SEMA4D: variants seen among roughly 807,000 people sequenced by gnomAD.
The protein encoded by SEMA4D is semaphorin 4D, also known as semaphorin-4D.
In SEMA4D, 22 loss-of-function variants were observed where a neutral mutation model predicts 74.8. The observed-to-expected ratio is 0.29, with a 90% CI of 0.21 to 0.42. The LOEUF (loss-of-function observed/expected upper bound fraction) is 0.42. Among genes scored for constraint, SEMA4D ranks in the 10% least tolerant of loss-of-function variants. The pLI is 1.00. For missense variants in SEMA4D, 937 were observed against 1,118.4 expected (o/e 0.84, Z 2.31); for synonymous variants, 445 against 463.7 (o/e 0.96, Z 0.52).
rs778039454 is a variant in SEMA4D, at chr9:89,363,466, C to T, written c.2154G>A (p.Glu718=). ...TCCAGCTCTGCATCATCCGGTCGTG[C>T]TCCCCAGCCACAGCCCTCCAGGCAG... Residue 718 remains glutamate (E), a synonymous_variant, in exon 18 of 19, where the codon GAG becomes GAA. Transcript: ENST00000339861. 8.1e-6 allele frequency: 13 copies of T among 1,614,028 alleles called. 1 individual carries two copies. In the South Asian group the frequency reaches 1.4e-4, roughly 18 times the overall value.
downstream of SEMA4D, among the ~76,000 whole-genome samples, chr9:89,375,662 A>G (rs773516505): frequency 9.2e-5 from 14 of 152,124 alleles, no homozygotes; most frequent in Non-Finnish European, 2.1e-4. Flanking sequence ...TTCTTTCTGT[A>G]TCTACTGATC....
rs1158168446 is a variant in SEMA4D at position 89,488,352 on chromosome 9, C to CTTTTTTTTTT, written c.-310+9557_-310+9566dup. 2.4e-3 allele frequency among the ~76,000 whole-genome samples: 151 copies of CTTTTTTTTTT among 62,618 alleles called. 29 individuals are homozygous for CTTTTTTTTTT. Among genetic ancestry groups the CTTTTTTTTTT allele is most frequent in the Admixed American group, 3.8e-3 (15 of 3,940 alleles). 41.1% of individuals were successfully genotyped at this position (62,618 alleles called of 152,430 possible). A position where few individuals can be genotyped will look rare whatever the true frequency, so the allele number is the denominator to read the frequency against. Reference sequence around the variant, plus strand: ...AATTAACTCGAAATGGATCACAGATCTTTTTTTTTTTTTTTTTTTTTTTTT... The same window carrying CTTTTTTTTTT: ...AATTAACTCGAAATGGATCACAGATCTTTTTTTTTTTTTTTTTTTTTTTTTTTTTTTTTTT... On this transcript the variant is annotated intron_variant, in intron 1 of 15. Coordinates refer to ENST00000422704, the MANE Select transcript of SEMA4D (RefSeq NM_001371194.2).
chr9:89,391,372 G>A lies in SEMA4D; in HGVS notation c.666C>T (p.Asp222=). 1 of 1,614,274 alleles carries A rather than the reference G, an allele frequency of 6.2e-7. No homozygotes were observed. The highest frequency in any genetic ancestry group is 2.2e-5 in the East Asian group (1 of 44,892). ...CCCTGTCATCCTCGCCGTCGGGGCTGTCTGGGCTTTTTCGGATCACGTCAG... is the reference window on the plus strand; with the variant it reads ...CCCTGTCATCCTCGCCGTCGGGGCTATCTGGGCTTTTTCGGATCACGTCAG... ...VFADVIRKSP[D]SPDGEDDRVY... The change falls in exon 9 of 16, where the codon GAC becomes GAT. Residue 222 remains aspartate, a synonymous_variant. Coordinates refer to ENST00000422704, the MANE Select transcript of SEMA4D (RefSeq NM_001371194.2).
Position 89,492,984 on chromosome 9 carries a change from C to T in SEMA4D, c.-310+4935G>A, listed in dbSNP as rs555426888. Reference sequence around the variant, plus strand: ...CTGGACCTAGAACTATCTATCTCCCCTCTCATTAGCCTCCCATCTCCCTCC... The same window carrying T: ...CTGGACCTAGAACTATCTATCTCCCTTCTCATTAGCCTCCCATCTCCCTCC... On this transcript the variant is annotated intron_variant, in intron 1 of 15. Coordinates refer to ENST00000422704, the MANE Select transcript of SEMA4D (RefSeq NM_001371194.2). This position sits in a 1 kb window ranked among gnomAD's most constrained non-coding sequence, Gnocchi z 4.3. Among the ~76,000 whole-genome samples the T allele has an allele frequency of 3.9e-5, 6 of 152,354 alleles. No homozygotes were observed. Among genetic ancestry groups the T allele is most frequent in the African/African-American group, 1.4e-4 (6 of 41,570 alleles).
At position 89,483,793 on chromosome 9, in the gene SEMA4D, C is replaced by T. The variant is rs560006217; in HGVS notation, c.-310+14126G>A. On this transcript the variant is annotated intron_variant, in intron 1 of 15. Coordinates refer to ENST00000422704, the MANE Select transcript of SEMA4D (RefSeq NM_001371194.2). ...TAAAATGCATGTGGGTCACTGTCAGCGTCTGAAGCCAGCCAGGCATGAGAC... is the reference window on the plus strand; with the variant it reads ...TAAAATGCATGTGGGTCACTGTCAGTGTCTGAAGCCAGCCAGGCATGAGAC... Among the ~76,000 whole-genome samples, 9 of 152,184 alleles carry T rather than the reference C, an allele frequency of 5.9e-5. No individual in the cohort carries two copies. The South Asian group carries it at 1.2e-3, about 21-fold the overall frequency.
rs1843148170 is a variant in SEMA4D at position 89,405,511 on chromosome 9, C to G, written c.-55G>C. On this transcript the variant is annotated 5_prime_UTR_variant, in exon 3 of 16. Coordinates refer to ENST00000422704, the MANE Select transcript of SEMA4D (RefSeq NM_001371194.2). ...AGCAAAGGCTCACGGCAGCAGGTGG[C>G]CGGGCAGGTGTGCTATTGCAGATGC... The G allele has an allele frequency of 7.5e-6, 12 of 1,602,890 alleles. No homozygotes were observed. In the Admixed American group the frequency reaches 1.0e-4, roughly 13 times the overall value.
downstream of SEMA4D, among the ~76,000 whole-genome samples, chr9:89,374,697 C>T (rs1005251494): frequency 2.0e-5 from 3 of 152,158 alleles, no homozygotes; most frequent in Admixed American, 1.3e-4. Context: ...CCCTGCTGAC[C>T]CCAGGGGCTT....
chr9:89,448,598 G>A (rs1323652442), intron 2 of SEMA4D, among the ~76,000 whole-genome samples: 9 of 152,208 alleles, frequency 5.9e-5, no homozygotes, highest in African/African-American at 1.2e-4. Flanking sequence ...TCCACACAAC[G>A]GCAGCAGAGA....
intron 2 of SEMA4D, among the ~76,000 whole-genome samples, chr9:89,430,535 G>C (rs1033228733): frequency 2.6e-5 from 4 of 152,236 alleles, no homozygotes; most frequent in African/African-American, 9.6e-5. Context: ...ACAGTTACTG[G>C]GGAGGGGGAA....
At chr9:89,366,245 G>T (rs1207100132) in intron 16 of SEMA4D, among the ~76,000 whole-genome samples, 2 of 152,210 alleles carry the variant, frequency 1.3e-5, no homozygotes, top group African/African-American at 2.4e-5. Context: ...GCCCAAAAAT[G>T]GCTGGGATGC....
intron 1 of SEMA4D, among the ~76,000 whole-genome samples, chr9:89,481,619 A>G (rs117804120): frequency 7.5e-4 from 115 of 152,378 alleles, no homozygotes; most frequent in Non-Finnish European, 1.4e-3. Context: ...TGGCAGACAC[A>G]CACACCGGAA....
exon 19 of SEMA4D, chr9:89,362,250 T>A: frequency 7.5e-7 from 1 of 1,332,062 alleles, no homozygotes; most frequent in Admixed American, 1.7e-5. Context: ...CCTCTGCCCA[T>A]CAGGTGGTGG....
At chr9:89,488,166 A>C (rs930733508) in intron 1 of SEMA4D, among the ~76,000 whole-genome samples, 10 of 152,288 alleles carry the variant, frequency 6.6e-5, no homozygotes, top group African/African-American at 2.2e-4. Flanking sequence ...AAACAAAGGC[A>C]CACAGATATG....
intron 2 of SEMA4D, among the ~76,000 whole-genome samples, chr9:89,435,985 C>G (rs964285994): frequency 6.6e-6 from 1 of 152,340 alleles, no homozygotes; most frequent in East Asian, 1.9e-4. Flanking sequence ...GAAGCGCCCC[C>G]GCTGCCCCCC....
Position 89,437,087 on chromosome 9 carries a change from C to G in SEMA4D, c.-244+18801G>C, listed in dbSNP as rs545958511. 3.2e-4 allele frequency among the ~76,000 whole-genome samples: 49 copies of G among 152,320 alleles called. No individual in the cohort carries two copies. The South Asian group carries it at 5.4e-3, about 17-fold the overall frequency. ...GCATGCACAGAGCTGCTGGACAGTGCTGCAGCGAGATGGCCTGCTCCCAGC... is the reference window on the plus strand; with the variant it reads ...GCATGCACAGAGCTGCTGGACAGTGGTGCAGCGAGATGGCCTGCTCCCAGC... On this transcript the variant is annotated intron_variant, in intron 2 of 15. Coordinates refer to ENST00000422704, the MANE Select transcript of SEMA4D (RefSeq NM_001371194.2).
intron 16 of SEMA4D, among the ~76,000 whole-genome samples, chr9:89,370,304 T>C (rs918500535): frequency 1.3e-5 from 2 of 151,222 alleles, no homozygotes; most frequent in Admixed American, 6.6e-5. Context: ...TGTGTGTGCG[T>C]GTTATGTCGT....
At chr9:89,482,207 T>C (rs1157637749) in intron 1 of SEMA4D, among the ~76,000 whole-genome samples, 1 of 152,172 alleles carries the variant, frequency 6.6e-6, no homozygotes, top group Non-Finnish European at 1.5e-5. Context: ...TGTATCCTAC[T>C]GCCCTCCTGG....
intron 1 of SEMA4D, among the ~76,000 whole-genome samples, chr9:89,474,339 T>C (rs1386139420): frequency 6.6e-6 from 1 of 151,536 alleles, no homozygotes; most frequent in Non-Finnish European, 1.5e-5. Context: ...AGTTTAGCAA[T>C]CACCAGCATT....
chr9:89,402,040 G>C (rs1842325915), intron 4 of SEMA4D, among the ~76,000 whole-genome samples: 1 of 152,130 alleles, frequency 6.6e-6, no homozygotes, highest in South Asian at 2.1e-4. Flanking sequence ...GAAGACAGAG[G>C]TGCATGCTAA....
Sources: allele counts gnomAD v4.1 joint callset (sites outside exome capture counted in the v4.1 genomes callset), GRCh38; gene constraint gnomAD v4.1.1; non-coding constraint Gnocchi (gnomAD v3.1); transcripts MANE v1.5; gene names NCBI Gene and HGNC (gene_info 2026-07-23, HGNC 2026-07-21).